Variants in CAMTA1 observed in about 807,000 individuals in gnomAD.
CAMTA1 encodes the protein calmodulin binding transcription activator 1.
CAMTA1 carries 27 observed loss-of-function variants against 170.9 expected under a neutral mutation model. The ratio of observed to expected loss-of-function variants is 0.16; its 90% confidence interval spans 0.12 to 0.22. The LOEUF (loss-of-function observed/expected upper bound fraction) is 0.22, where lower values mean the gene tolerates loss of function less well. CAMTA1 is among the 10% of genes least tolerant of loss of function. The probability of loss-of-function intolerance (pLI) is 1.00; values close to 1 mark genes in which losing one functional copy is unlikely to be tolerated. For missense variants in CAMTA1, 1,619 were observed against 2,217.2 expected (o/e 0.73, Z 5.42); for synonymous variants, 833 against 891.5 (o/e 0.93, Z 1.17).
At chr1:7,201,747 T>C (rs1656742163) in intron 4 of CAMTA1, among the ~76,000 whole-genome samples, 1 of 152,226 alleles carries the variant, frequency 6.6e-6, no homozygotes, top group Non-Finnish European at 1.5e-5. Flanking sequence ...CCTGTCCTTT[T>C]TATTATTAAG....
rs961923086 is a variant in CAMTA1 at position 7,234,846 on chromosome 1, G to C, written c.303-14645G>C. ...TTGTCACCCAGGCTGGAGTGCGGTG[G>C]TGTGATCATAGCTCACTGCAACCTC... On this transcript the variant is annotated intron_variant, in intron 4 of 22. Transcript: ENST00000303635. The surrounding 1 kb of genome is among the most constrained non-coding windows in gnomAD (Gnocchi z 5.0). Among the ~76,000 whole-genome samples, 1 of 150,536 alleles carries C rather than the reference G, an allele frequency of 6.6e-6. No individual in the cohort carries two copies. Among genetic ancestry groups the C allele is most frequent in the Non-Finnish European group, 1.5e-5 (1 of 67,796 alleles).
chr1:6,920,055 G>C (rs1212469783), intron 3 of CAMTA1, among the ~76,000 whole-genome samples: 1 of 152,100 alleles, frequency 6.6e-6, no homozygotes, highest in African/African-American at 2.4e-5. Context: ...CCAAGTCTCA[G>C]CTCATTTCAG....
intron 3 of CAMTA1, among the ~76,000 whole-genome samples, chr1:6,859,412 A>G (rs1663792040): frequency 6.6e-6 from 1 of 152,184 alleles, no homozygotes; most frequent in African/African-American, 2.4e-5. Flanking sequence ...TGCTCTTACA[A>G]TAAGTGATGC....
chr1:7,118,018 G>A (rs979109454), intron 4 of CAMTA1, among the ~76,000 whole-genome samples: 5 of 152,130 alleles, frequency 3.3e-5, no homozygotes, highest in African/African-American at 9.7e-5. Context: ...TTCAGCCGAG[G>A]TGTTGGCTTA....
In CAMTA1 at chr1:7,689,591, A is replaced by G. The variant is rs376889810; in HGVS notation, c.2914+11858A>G. Among the ~76,000 whole-genome samples, 24 of 152,216 alleles carry G rather than the reference A, an allele frequency of 1.6e-4. No individual in the cohort carries two copies. In the East Asian group the frequency reaches 4.4e-3, roughly 28 times the overall value. ...GAGACCATCTCAAAAAAAAAAGAAA[A>G]ATCAGTGGCAGAGGGAAAACAGTTG... On this transcript the variant is annotated intron_variant, in intron 11 of 22. Transcript: ENST00000303635.
At chr1:6,793,470 C>G (rs1569914123) in intron 1 of CAMTA1, among the ~76,000 whole-genome samples, 1 of 152,104 alleles carries the variant, frequency 6.6e-6, no homozygotes, top group African/African-American at 2.4e-5. Context: ...TTCAACATGT[C>G]TAAGAGAATG....
At chr1:7,533,670 T>C (rs1437804792) in intron 6 of CAMTA1, among the ~76,000 whole-genome samples, 1 of 152,070 alleles carries the variant, frequency 6.6e-6, no homozygotes, top group African/African-American at 2.4e-5. Flanking sequence ...CCCAGCACTT[T>C]GGGAGGTCGA....
chr1:7,266,690 C>T (rs1668990811), intron 5 of CAMTA1, among the ~76,000 whole-genome samples: 1 of 152,154 alleles, frequency 6.6e-6, no homozygotes, highest in South Asian at 2.1e-4. Flanking sequence ...CAAGTAGTGG[C>T]CAGGCACTGG....
At chr1:6,992,660 C>T (rs1377025102) in intron 3 of CAMTA1, among the ~76,000 whole-genome samples, 1 of 152,154 alleles carries the variant, frequency 6.6e-6, no homozygotes, top group African/African-American at 2.4e-5. Flanking sequence ...GGAGGGAAAG[C>T]AGGCACGTCT....
At chr1:7,597,135 G>C (rs1046848945) in intron 6 of CAMTA1, among the ~76,000 whole-genome samples, 1 of 152,078 alleles carries the variant, frequency 6.6e-6, no homozygotes, top group African/African-American at 2.4e-5. Context: ...CAGTGGACAC[G>C]AGCCCACTGA....
At chr1:6,900,207 A>G (rs140632499) in intron 3 of CAMTA1, among the ~76,000 whole-genome samples, 2 of 152,222 alleles carry the variant, frequency 1.3e-5, no homozygotes, top group African/African-American at 4.8e-5. Flanking sequence ...CAGGCCTGCC[A>G]CCAGCACTGC....
chr1:7,708,906 C>CT (rs2096547884), intron 11 of CAMTA1, among the ~76,000 whole-genome samples: 1 of 152,136 alleles, frequency 6.6e-6, no homozygotes. Flanking sequence ...TTATATTAAA[C>CT]TAATATTTAT....
chr1:7,763,795 A>G (rs531241172), intron 22 of CAMTA1, among the ~76,000 whole-genome samples: 3 of 152,348 alleles, frequency 2.0e-5, no homozygotes, highest in East Asian at 1.9e-4. Flanking sequence ...TTGTGAATGT[A>G]TAACATCGTC....
intron 4 of CAMTA1, among the ~76,000 whole-genome samples, chr1:7,136,743 A>G (rs1410661947): frequency 1.3e-5 from 2 of 152,116 alleles, no homozygotes; most frequent in Non-Finnish European, 2.9e-5. Flanking sequence ...TTACTGGTCG[A>G]TGAGTGGCAT....
At chr1:6,863,603 C>T (rs1474116107) in intron 3 of CAMTA1, among the ~76,000 whole-genome samples, 1 of 152,214 alleles carries the variant, frequency 6.6e-6, no homozygotes, top group African/African-American at 2.4e-5. Flanking sequence ...CCCAGGCGAT[C>T]AAGTCAAATT....
rs947647976 is a variant in CAMTA1 at position 7,193,301 on chromosome 1, G to A, written c.303-56190G>A. On this transcript the variant is annotated intron_variant, in intron 4 of 22. Transcript: ENST00000303635. ...CAGGAGTTGGAGGCTGCAGTGAGCCGAGATTGCACCACTGTACTCCAGCCT... is the reference window on the plus strand; with the variant it reads ...CAGGAGTTGGAGGCTGCAGTGAGCCAAGATTGCACCACTGTACTCCAGCCT... Among the ~76,000 whole-genome samples the A allele has an allele frequency of 2.0e-5, 3 of 151,266 alleles. No homozygotes were observed. The South Asian group carries it at 6.3e-4, about 32-fold the overall frequency.
intron 5 of CAMTA1, among the ~76,000 whole-genome samples, chr1:7,368,769 G>A (rs570847187): frequency 2.6e-5 from 4 of 152,216 alleles, no homozygotes; most frequent in Non-Finnish European, 5.9e-5. Context: ...TTCCGCACAT[G>A]TTGTTAAATT....
chr1:6,967,728 T>C (rs1338953273), intron 3 of CAMTA1, among the ~76,000 whole-genome samples: 13 of 152,130 alleles, frequency 8.5e-5, no homozygotes, highest in Admixed American at 4.6e-4. Flanking sequence ...GTGCATTTCA[T>C]AGATGGTGAC....
intron 4 of CAMTA1, among the ~76,000 whole-genome samples, chr1:7,194,934 T>G (rs974142878): frequency 4.6e-5 from 7 of 152,250 alleles, no homozygotes; most frequent in African/African-American, 1.7e-4. Flanking sequence ...AGCAGTTATC[T>G]AGATAACAAT....
Sources: gnomAD v4.1 joint callset for allele counts (sites outside exome capture counted in the v4.1 genomes callset) on GRCh38, gnomAD v4.1.1 for gene constraint, Gnocchi (gnomAD v3.1) non-coding constraint, MANE v1.5 for transcripts, NCBI Gene and HGNC (gene_info 2026-07-23, HGNC 2026-07-21) for gene names.